Variants in WDFY1 observed in about 807,000 individuals in gnomAD.
WDFY1 encodes WD repeat and FYVE domain containing 1, also known as WD repeat and FYVE domain-containing protein 1.
In WDFY1, 32 loss-of-function variants were observed where a neutral mutation model predicts 56.4. The ratio of observed to expected loss-of-function variants is 0.57; its 90% CI spans 0.43 to 0.76. WDFY1 has a LOEUF of 0.76. Among genes scored for constraint, WDFY1 ranks in the 30% least tolerant of loss-of-function variants. WDFY1 has a pLI of 0.00. For missense variants in WDFY1, 480 were observed against 545.7 expected (o/e 0.88, Z 1.20); for synonymous variants, 192 against 197.3 (o/e 0.97, Z 0.23).
intron 4 of WDFY1, among the ~76,000 whole-genome samples, chr2:223,903,640 C>CACA (rs1206883616): frequency 9.0e-4 from 58 of 64,334 alleles, no homozygotes; most frequent in East Asian, 3.9e-3. Context: ...CACACACACA[C>CACA]GTTTTTTGTT....
At chr2:223,926,649 TGC>T (rs58786494) in intron 1 of WDFY1, among the ~76,000 whole-genome samples, 4,048 of 145,858 alleles carry the variant, frequency 0.028, 166 homozygotes, top group African/African-American at 0.09. Flanking sequence ...TACAAATATG[TGC>T]GTGTGTGTGT....
At position 223,878,607 on chromosome 2, in the gene WDFY1, C is replaced by T. The variant is rs886252897; in HGVS notation, c.*64G>A. The T allele has an allele frequency of 4.0e-6, 5 of 1,261,050 alleles. No individual in the cohort carries two copies. In the African/African-American group the frequency reaches 4.4e-5, roughly 11 times the overall value. The allele number at this position is 1,261,050 out of a possible 1,614,324, so 78.1% of individuals were successfully genotyped here. A position where few individuals can be genotyped will look rare whatever the true frequency, so the allele number is the denominator to read the frequency against. On this transcript the variant is annotated 3_prime_UTR_variant, in exon 12 of 12. Coordinates refer to ENST00000233055, the MANE Select transcript of WDFY1 (RefSeq NM_020830.5). Reference sequence around the variant, plus strand: ...TTCACGAGACAGCGCTGTGGAGCTGCGTGAGAGGGACTTCATTTGGTGGAG... The same window carrying T: ...TTCACGAGACAGCGCTGTGGAGCTGTGTGAGAGGGACTTCATTTGGTGGAG...
chr2:223,885,451 C>A (rs941505938), intron 8 of WDFY1, among the ~76,000 whole-genome samples: 9 of 152,108 alleles, frequency 5.9e-5, no homozygotes, highest in African/African-American at 1.9e-4. Flanking sequence ...TCTGCCTCAG[C>A]CCCACAAAGC....
chr2:223,926,567 G>T (rs896187654), intron 1 of WDFY1, among the ~76,000 whole-genome samples: 1 of 151,926 alleles, frequency 6.6e-6, no homozygotes, highest in Non-Finnish European at 1.5e-5. Flanking sequence ...AGAGTTCTTG[G>T]GTGACTAGGT....
chr2:223,934,483 A>G (rs1694136343), intron 1 of WDFY1, among the ~76,000 whole-genome samples: 1 of 152,134 alleles, frequency 6.6e-6, no homozygotes, highest in Non-Finnish European at 1.5e-5. Flanking sequence ...ACATTACTAT[A>G]AGCTTTACAC....
intron 1 of WDFY1, among the ~76,000 whole-genome samples, chr2:223,942,119 A>C (rs551628183): frequency 2.6e-5 from 4 of 152,202 alleles, no homozygotes; most frequent in Non-Finnish European, 5.9e-5. Flanking sequence ...ACTTTCCAAA[A>C]ACATTTATCA....
At chr2:223,897,385 TATATA>T (rs1559165997) in intron 6 of WDFY1, among the ~76,000 whole-genome samples, 4 of 99,820 alleles carry the variant, frequency 4.0e-5, no homozygotes, top group South Asian at 3.2e-4. Flanking sequence ...TATATATATA[TATATA>T]TTTTTTAAGA....
At chr2:223,884,568 T>C (rs1693138471) in intron 9 of WDFY1, 80 bp downstream of exon 9, 1 of 1,375,702 alleles carries the variant, frequency 7.3e-7, no homozygotes, top group Non-Finnish European at 1.0e-6. Flanking sequence ...ACAAAGTGTG[T>C]TTCAAAAAAA....
intron 1 of WDFY1, among the ~76,000 whole-genome samples, chr2:223,939,950 C>A (rs1259033631): frequency 6.6e-6 from 1 of 152,236 alleles, no homozygotes; most frequent in African/African-American, 2.4e-5. Context: ...TCATACCTTT[C>A]ACTTTTCTTC....
rs147668328 is a variant in WDFY1, at chr2:223,882,039, C to T, written c.967G>A (p.Gly323Arg). The change falls in exon 10 of 12, where the codon GGG becomes AGG. Residue 323 changes from glycine (G) to arginine (R), a missense_variant. Gly to Arg is a moderately radical substitution (Grantham distance 125). Transcript: ENST00000233055. ...CTTGAGCGCTTGCTGCTGCACTTCC[C>T]GCAGACAGCCTGCCCGCATTTCCTG... is the stretch of plus-strand genomic sequence containing the variant. Reference protein sequence around the residue: ...HCRKCGQAVCGKCSSKRSSYP... With the variant: ...HCRKCGQAVCRKCSSKRSSYP... The T allele has an allele frequency of 1.1e-5, 17 of 1,613,822 alleles. No homozygotes were observed. The highest frequency in any genetic ancestry group is 6.7e-5 in the East Asian group (3 of 44,896).
intron 5 of WDFY1, among the ~76,000 whole-genome samples, chr2:223,900,117 A>C (rs1260971422): frequency 6.6e-6 from 1 of 152,228 alleles, no homozygotes; most frequent in Non-Finnish European, 1.5e-5. Context: ...TACTATTTGT[A>C]ATAGGAAAGC....
chr2:223,898,839 A>G (rs1438177117), intron 6 of WDFY1, 119 bp downstream of exon 6: 1 of 760,632 alleles, frequency 1.3e-6, no homozygotes, highest in Non-Finnish European at 2.2e-6. Flanking sequence ...TATCTGGCCA[A>G]TCAAAATGAA....
Position 223,895,700 on chromosome 2 carries a change from G to A in WDFY1, c.599-70C>T, listed in dbSNP as rs149499727. 1.7e-4 allele frequency: 261 copies of A among 1,570,128 alleles called. No homozygotes were observed. The African/African-American group carries it at 3.2e-3, about 19-fold the overall frequency. On this transcript the variant is annotated intron_variant, in intron 6 of 11. Coordinates refer to ENST00000233055, the MANE Select transcript of WDFY1 (RefSeq NM_020830.5). ...GTAAAATATAACTCTACATCAGGAC[G>A]TATACATTTGACAGCTGAAGACCAA...
Position 223,880,307 on chromosome 2 carries a change from C to T in WDFY1, c.1065-75G>A, listed in dbSNP as rs981102432. 4.3e-6 allele frequency: 6 copies of T among 1,384,814 alleles called. No homozygotes were observed. In the African/African-American group the frequency reaches 8.5e-5, roughly 20 times the overall value. 85.8% of individuals were successfully genotyped at this position (1,384,814 alleles called of 1,614,324 possible). A position where few individuals can be genotyped will look rare whatever the true frequency, so the allele number is the denominator to read the frequency against. On this transcript the variant is annotated intron_variant, in intron 10 of 11. Coordinates refer to ENST00000233055, the MANE Select transcript of WDFY1 (RefSeq NM_020830.5). ...CTAGTGGGGTAAGCTTTTTTAGCAACATAAAATAAGCAAATATGGCCAGGT... is the reference window on the plus strand; with the variant it reads ...CTAGTGGGGTAAGCTTTTTTAGCAATATAAAATAAGCAAATATGGCCAGGT...
intron 1 of WDFY1, among the ~76,000 whole-genome samples, chr2:223,919,930 T>C (rs1693861676): frequency 6.6e-6 from 1 of 152,030 alleles, no homozygotes; most frequent in Admixed American, 6.6e-5. Context: ...TCATCCACTC[T>C]CCTCGACACA....
chr2:223,884,859 C>CTTA, intron 8 of WDFY1, 110 bp from the exon 9 acceptor site: 1 of 689,258 alleles, frequency 1.5e-6, no homozygotes, highest in Non-Finnish European at 2.2e-6. Flanking sequence ...TTCTTTTCTT[C>CTTA]TTTTTTTTTT....
chr2:223,897,392 T>TATATATATATA (rs1559166027), intron 6 of WDFY1, among the ~76,000 whole-genome samples: 2 of 78,074 alleles, frequency 2.6e-5, no homozygotes, highest in African/African-American at 9.1e-5. Context: ...ATATATATAT[T>TATATATATATA]TTTTAAGACG....
At chr2:223,882,464 C>A (rs540774237) in intron 9 of WDFY1, among the ~76,000 whole-genome samples, 2 of 152,094 alleles carry the variant, frequency 1.3e-5, no homozygotes, top group Non-Finnish European at 2.9e-5. Flanking sequence ...GCAACAGGAG[C>A]GGGGAGGATA....
At chr2:223,921,648 T>G (rs973264028) in intron 1 of WDFY1, among the ~76,000 whole-genome samples, 2 of 151,940 alleles carry the variant, frequency 1.3e-5, no homozygotes, top group African/African-American at 4.8e-5. Context: ...TGGAGTGCAG[T>G]GGTGTGATCA....
Sources: gnomAD v4.1 joint callset for allele counts (sites outside exome capture counted in the v4.1 genomes callset) on GRCh38, gnomAD v4.1.1 for gene constraint, MANE v1.5 for transcripts, NCBI Gene and HGNC (gene_info 2026-07-23, HGNC 2026-07-21) for gene names.